TPX2: variants seen among roughly 807,000 people sequenced by gnomAD.
TPX2 encodes the protein TPX2 microtubule nucleation factor.
Under a neutral mutation model 93.6 loss-of-function variants are expected in TPX2, and 21 were observed. That is an observed-to-expected ratio of 0.22 (90% CI 0.16 to 0.32). The LOEUF is 0.32. Among genes scored for constraint, TPX2 ranks in the 10% least tolerant of loss-of-function variants. The pLI is 1.00. For synonymous variants in TPX2, 281 were observed against 298.3 expected, an observed-to-expected ratio of 0.94 and a Z score of 0.60; for missense variants, 776 against 871.1, an observed-to-expected ratio of 0.89 and a Z score of 1.37.
chr20:31,744,906 G>A (rs890876783), intron 2 of TPX2, among the ~76,000 whole-genome samples: 2 of 152,056 alleles, frequency 1.3e-5, no homozygotes, highest in Middle Eastern at 3.2e-3. Flanking sequence ...GGCTAACATG[G>A]TGAAACCCTG....
intron 8 of TPX2, among the ~76,000 whole-genome samples, chr20:31,776,619 G>A (rs1254658429): frequency 3.3e-5 from 5 of 151,472 alleles, no homozygotes; most frequent in Non-Finnish European, 7.4e-5. Context: ...TCTGCCTCCC[G>A]GGTTCAAGCA....
At chr20:31,756,094 T>C (rs1199370618) in intron 2 of TPX2, among the ~76,000 whole-genome samples, 4 of 152,256 alleles carry the variant, frequency 2.6e-5, no homozygotes, top group Non-Finnish European at 4.4e-5. Flanking sequence ...AGACAACTTA[T>C]ATTTGACAAA....
At chr20:31,767,956 G>C (rs1038991313) in intron 5 of TPX2, among the ~76,000 whole-genome samples, 3 of 150,610 alleles carry the variant, frequency 2.0e-5, no homozygotes, top group African/African-American at 7.3e-5. Context: ...TTTTGAGAGA[G>C]GGTCTTGCTC....
At chr20:31,800,874 C>A in intron 17 of TPX2, 96 bp from the exon 18 acceptor site, 2 of 1,057,878 alleles carry the variant, frequency 1.9e-6, no homozygotes, top group Non-Finnish European at 2.9e-6. Context: ...ACCTGTAAAA[C>A]TCTACAAACA....
At chr20:31,783,969 A>C in intron 12 of TPX2, 48 bp downstream of exon 12, 2 of 1,588,282 alleles carry the variant, frequency 1.3e-6, no homozygotes, top group Non-Finnish European at 1.7e-6. Flanking sequence ...GCTCATGACC[A>C]GATATCCACC....
At position 31,786,385 on chromosome 20, in the gene TPX2, C is replaced by T. The variant is rs565092518; in HGVS notation, c.1413+2464C>T. ...TAAGATCCTTTCTCATAGCATCAGT[C>T]ACACCTGAACTACTGTTTTTTTTTT... is the stretch of plus-strand genomic sequence containing the variant. On this transcript the variant is annotated intron_variant, in intron 12 of 17. Transcript: ENST00000300403. Among the ~76,000 whole-genome samples, 5 of 148,140 alleles carry T rather than the reference C, an allele frequency of 3.4e-5. No individual in the cohort carries two copies. The East Asian group carries it at 7.8e-4, about 23-fold the overall frequency.
At chr20:31,759,485 C>T (rs1417829668) in intron 3 of TPX2, among the ~76,000 whole-genome samples, 1 of 148,376 alleles carries the variant, frequency 6.7e-6, no homozygotes, top group Non-Finnish European at 1.5e-5. Flanking sequence ...CTGCAAATTC[C>T]ACCTTCCAGG....
chr20:31,762,566 T>C (rs974859274), intron 4 of TPX2, among the ~76,000 whole-genome samples: 4 of 152,106 alleles, frequency 2.6e-5, no homozygotes, highest in Admixed American at 2.6e-4. Flanking sequence ...GTCAGGCTGG[T>C]CTTGAACTCC....
chr20:31,766,675 C>T lies in TPX2; in HGVS notation c.349C>T (p.Pro117Ser). ...CATATCAAGAAAAACTCCAGCCCAG[C>T]CTCAGAGGTAAGACTTTGGAATCTC... The part of the protein sequence containing the change: ...AAISRKTPAQ[P>S]QRRSLRLSAQ... The change falls in exon 5 of 18, where the codon CCT becomes TCT. Residue 117 changes from proline (P) to serine (S), a missense_variant. Pro to Ser is a moderately conservative substitution (Grantham distance 74, BLOSUM62 -1). Transcript: ENST00000300403. 6.2e-7 allele frequency: 1 copy of T among 1,612,488 alleles called. No homozygotes were observed.
chr20:31,797,548 C>T (rs186777358), intron 16 of TPX2, 33 bp downstream of exon 16: 747 of 1,578,248 alleles, frequency 4.7e-4, no homozygotes, highest in Non-Finnish European at 5.4e-4. Flanking sequence ...GGGACTCGGG[C>T]AGAATTGTCA....
intron 12 of TPX2, among the ~76,000 whole-genome samples, chr20:31,789,463 AG>A (rs1417379149): frequency 6.6e-6 from 1 of 152,198 alleles, no homozygotes; most frequent in African/African-American, 2.4e-5. Context: ...TGTGTAAATG[AG>A]TAAATATGGT....
At position 31,765,196 on chromosome 20, in the gene TPX2, G is replaced by A. The variant is rs563977793; in HGVS notation, c.230-1360G>A. ...TATCAAGGCTGGGCTTGTAGTTCATGCCTGTAATCCCAGTACTTTGGGAGG... is the reference window on the plus strand; with the variant it reads ...TATCAAGGCTGGGCTTGTAGTTCATACCTGTAATCCCAGTACTTTGGGAGG... On this transcript the variant is annotated intron_variant, in intron 4 of 17. Transcript: ENST00000300403. 4.0e-5 allele frequency among the ~76,000 whole-genome samples: 6 copies of A among 151,216 alleles called. No homozygotes were observed. In the South Asian group the frequency reaches 8.3e-4, roughly 21 times the overall value.
intron 12 of TPX2, among the ~76,000 whole-genome samples, chr20:31,787,608 G>A (rs2062074888): frequency 6.6e-6 from 1 of 152,106 alleles, no homozygotes; most frequent in Non-Finnish European, 1.5e-5. Flanking sequence ...TATTTTAAGG[G>A]GAAAGGGTGG....
intron 13 of TPX2, 144 bp from the exon 14 acceptor site, chr20:31,793,701 CCTT>C (rs2062117056): frequency 1.4e-6 from 1 of 725,280 alleles, no homozygotes; most frequent in Admixed American, 2.8e-5. Context: ...AAGTCATCAT[CCTT>C]CTTGGATAGA....
rs776138328 is a variant in TPX2 at position 31,766,597 on chromosome 20, G to T, written c.271G>T (p.Val91Leu). 3 of 1,613,410 alleles carry T rather than the reference G, an allele frequency of 1.9e-6. No homozygotes were observed. In the Admixed American group the frequency reaches 5.0e-5, roughly 27 times the overall value. ...YYKEAEKENL[V>L]EQSIPSNACS... ...CAAAGAGGCAGAAAAAGAAAATCTTGTGGAACAATCCATTCCGTCAAATGC... is the reference window on the plus strand; with the variant it reads ...CAAAGAGGCAGAAAAAGAAAATCTTTTGGAACAATCCATTCCGTCAAATGC... The change falls in exon 5 of 18, where the codon GTG becomes TTG. Residue 91 changes from valine to leucine, a missense_variant. Transcript: ENST00000300403.
At chr20:31,784,056 G>A (rs770403507) in intron 12 of TPX2, 135 bp downstream of exon 12, 65 of 964,576 alleles carry the variant, frequency 6.7e-5, no homozygotes, top group Middle Eastern at 6.3e-4. Context: ...GAGACTTATC[G>A]GAAGTGGATT....
At chr20:31,760,014 G>A in intron 3 of TPX2, 43 bp from the exon 4 acceptor site, 1 of 1,605,220 alleles carries the variant, frequency 6.2e-7, no homozygotes. Context: ...GATTTGTTTT[G>A]CTTCCTTGCT....
intron 7 of TPX2, 78 bp from the exon 8 acceptor site, chr20:31,775,789 A>C: frequency 7.5e-7 from 1 of 1,335,042 alleles, no homozygotes; most frequent in Non-Finnish European, 9.7e-7. Flanking sequence ...AAAATATTAT[A>C]TAATGCCTGT....
chr20:31,760,194 T>TAGAA lies in TPX2; in HGVS notation c.229+17_229+20dup, dbSNP rs1479870023. On this transcript the variant is annotated intron_variant, in intron 4 of 17. Coordinates refer to ENST00000300403, the MANE Select transcript of TPX2 (RefSeq NM_012112.5). ...TTTGAAACCAGGTAAGAAAACATCT[T>TAGAA]AGAAAAAAGCTCCTTGATAGAATGG... is the stretch of plus-strand genomic sequence containing the variant. 6.2e-7 allele frequency: 1 copy of TAGAA among 1,612,308 alleles called. No individual in the cohort carries two copies. Among genetic ancestry groups the TAGAA allele is most frequent in the Non-Finnish European group, 8.5e-7 (1 of 1,179,422 alleles).
Sources: gnomAD v4.1 joint callset for allele counts (sites outside exome capture counted in the v4.1 genomes callset) on GRCh38, gnomAD v4.1.1 for gene constraint, MANE v1.5 for transcripts, NCBI Gene and HGNC (gene_info 2026-07-23, HGNC 2026-07-21) for gene names.